KPNA1: variants seen among roughly 807,000 people sequenced by gnomAD.
KPNA1 encodes karyopherin subunit alpha 1.
Under a neutral mutation model 70.5 loss-of-function variants are expected in KPNA1, and 10 were observed. That is an observed-to-expected ratio of 0.14 (90% CI 0.09 to 0.24). The LOEUF is 0.24. Ranked by LOEUF, KPNA1 falls within the 10% of genes least tolerant of loss-of-function variation. The pLI is 1.00. For missense variants in KPNA1, 397 were observed against 637.9 expected (o/e 0.62, Z 4.07); for synonymous variants, 192 against 221.9 (o/e 0.87, Z 1.20).
At chr3:122,491,246 C>T (rs191570489) in intron 2 of KPNA1, among the ~76,000 whole-genome samples, 8 of 152,238 alleles carry the variant, frequency 5.3e-5, no homozygotes, top group Non-Finnish European at 8.8e-5. Flanking sequence ...GCAGTTTATA[C>T]GCACAGGCAG....
intron 9 of KPNA1, among the ~76,000 whole-genome samples, chr3:122,445,605 G>C (rs1332697297): frequency 1.3e-5 from 2 of 152,184 alleles, no homozygotes; most frequent in Non-Finnish European, 2.9e-5. Context: ...GGAAGAAACT[G>C]CATCAGTTAA....
chr3:122,438,737 C>G (rs2076023921), intron 10 of KPNA1, among the ~76,000 whole-genome samples: 1 of 151,812 alleles, frequency 6.6e-6, no homozygotes, highest in Admixed American at 6.6e-5. Flanking sequence ...CCCTAAGTCA[C>G]CAAAATAAAT....
At chr3:122,514,133 T>A (rs2076987646) in intron 1 of KPNA1, among the ~76,000 whole-genome samples, 1 of 152,104 alleles carries the variant, frequency 6.6e-6, no homozygotes, top group Admixed American at 6.5e-5. Context: ...GTTCTGTCAT[T>A]GCTATAATTA....
intron 9 of KPNA1, among the ~76,000 whole-genome samples, chr3:122,448,137 T>C (rs2076160686): frequency 1.3e-5 from 2 of 152,148 alleles, no homozygotes. Flanking sequence ...AGGAACACTC[T>C]TACATTGTTG....
chr3:122,439,799 A>C (rs2076039492), intron 10 of KPNA1, among the ~76,000 whole-genome samples: 1 of 152,218 alleles, frequency 6.6e-6, no homozygotes, highest in Non-Finnish European at 1.5e-5. Flanking sequence ...GGATCTAGTA[A>C]CAATAACAAT....
At chr3:122,477,567 G>A (rs910553588) in intron 2 of KPNA1, among the ~76,000 whole-genome samples, 3 of 152,054 alleles carry the variant, frequency 2.0e-5, no homozygotes, top group Non-Finnish European at 2.9e-5. Context: ...GGGCAGGGTG[G>A]CACTGGCCTG....
intron 6 of KPNA1, among the ~76,000 whole-genome samples, chr3:122,453,455 T>C (rs1297610968): frequency 2.0e-5 from 3 of 152,192 alleles, no homozygotes; most frequent in African/African-American, 7.2e-5. Context: ...TGACAATCCA[T>C]AGATTACCAA....
intron 10 of KPNA1, among the ~76,000 whole-genome samples, chr3:122,439,895 A>G (rs931862050): frequency 9.2e-5 from 14 of 152,184 alleles, no homozygotes; most frequent in African/African-American, 3.1e-4. Flanking sequence ...AGGTAAAGAG[A>G]ATAGTTATAT....
chr3:122,457,635 G>T, intron 5 of KPNA1: 1 of 1,129,778 alleles, frequency 8.9e-7, no homozygotes, highest in Non-Finnish European at 1.1e-6. Context: ...AAGGTTTGAT[G>T]TTTTCTCTCT....
In KPNA1 at chr3:122,427,034, T is replaced by C; in HGVS notation, c.1568A>G (p.Gln523Arg). The change falls in exon 14 of 14, where the codon CAG (glutamine) becomes CGG (arginine). Residue 523 changes from glutamine to arginine, a missense_variant. Physicochemically the swap from Gln to Arg is conservative, Grantham distance 43 (BLOSUM62 1). Transcript: ENST00000344337. ...AGCCTCACACTGTTGGAAGATGTAC[T>C]GCTGCTGGTTAAGGTCAACCTGGGG... ...IAPQVDLNQQ[Q>R]YIFQQCEAPM... 1 of 1,614,228 alleles carries C rather than the reference T, an allele frequency of 6.2e-7. No homozygotes were observed. The highest frequency in any genetic ancestry group is 8.5e-7 in the Non-Finnish European group (1 of 1,180,042).
At chr3:122,455,255 G>A (rs970707682) in intron 5 of KPNA1, among the ~76,000 whole-genome samples, 1 of 152,136 alleles carries the variant, frequency 6.6e-6, no homozygotes, top group Non-Finnish European at 1.5e-5. Context: ...ATTCATAGCA[G>A]AAGACACATA....
chr3:122,480,678 A>G (rs1209917650), intron 2 of KPNA1, among the ~76,000 whole-genome samples: 1 of 152,138 alleles, frequency 6.6e-6, no homozygotes, highest in Non-Finnish European at 1.5e-5. Flanking sequence ...ATTTAAAAAA[A>G]AAAAAGTATT....
At chr3:122,460,437 G>C (rs991643084) in intron 5 of KPNA1, 4 of 405,348 alleles carry the variant, frequency 9.9e-6, no homozygotes, top group Non-Finnish European at 1.3e-5. Context: ...AGGAGTTTGA[G>C]ACCAGCCTGG....
In KPNA1 at chr3:122,433,701, T is replaced by C. The variant is rs751058951; in HGVS notation, c.1210A>G (p.Ile404Val). 2 of 1,612,910 alleles carry C rather than the reference T, an allele frequency of 1.2e-6. No individual in the cohort carries two copies. The highest frequency in any genetic ancestry group is 1.7e-4 in the Middle Eastern group (1 of 6,054). ...GATCCTCCAGAAGTTGCATTTGTGA[T>C]GGCCCAAGCTGCTTCTTTTCTTGTC... ...FRTRKEAAWA[I>V]TNATSGGSAE... The change falls in exon 12 of 14, where the codon ATC becomes GTC. Residue 404 changes from isoleucine (I) to valine (V), a missense_variant. Ile to Val is a conservative substitution (Grantham distance 29, BLOSUM62 3). Coordinates refer to ENST00000344337, the MANE Select transcript of KPNA1 (RefSeq NM_002264.4).
At chr3:122,503,114 G>C (rs2076848779) in intron 1 of KPNA1, among the ~76,000 whole-genome samples, 1 of 151,794 alleles carries the variant, frequency 6.6e-6, no homozygotes, top group East Asian at 1.9e-4. Flanking sequence ...TTCAGTTTCA[G>C]GTCAAAAAAA....
At position 122,433,717 on chromosome 3, in the gene KPNA1, T is replaced by C. The variant is rs745717828; in HGVS notation, c.1194A>G (p.Lys398=). The C allele has an allele frequency of 5.3e-5, 86 of 1,613,700 alleles. No homozygotes were observed. The highest frequency in any genetic ancestry group is 6.9e-5 in the Non-Finnish European group (81 of 1,179,850). Residue 398 remains lysine, a synonymous_variant, in exon 12 of 14, where the codon AAA becomes AAG. Coordinates refer to ENST00000344337, the MANE Select transcript of KPNA1 (RefSeq NM_002264.4). ...ILQTAEFRTR[K]EAAWAITNAT... is the part of the protein sequence containing the mutation. Reference sequence around the variant, plus strand: ...CATTTGTGATGGCCCAAGCTGCTTCTTTTCTTGTCCGAAATTCAGCAGTTT... The same window carrying C: ...CATTTGTGATGGCCCAAGCTGCTTCCTTTCTTGTCCGAAATTCAGCAGTTT...
chr3:122,445,637 A>T (rs1338664240), intron 9 of KPNA1, among the ~76,000 whole-genome samples: 1 of 152,252 alleles, frequency 6.6e-6, no homozygotes, highest in South Asian at 2.1e-4. Context: ...ACCAGCTAAC[A>T]TCATAATGAT....
chr3:122,498,002 G>A (rs2076783474), intron 1 of KPNA1, among the ~76,000 whole-genome samples: 1 of 152,106 alleles, frequency 6.6e-6, no homozygotes. Context: ...CTTTCCAAGA[G>A]TTTTAACTGA....
intron 1 of KPNA1, among the ~76,000 whole-genome samples, chr3:122,501,375 C>A (rs1211804773): frequency 6.6e-6 from 1 of 152,108 alleles, no homozygotes; most frequent in East Asian, 1.9e-4. Flanking sequence ...CCTTTAAGCA[C>A]TGCTTTAGCT....
Sources: allele counts gnomAD v4.1 joint callset (sites outside exome capture counted in the v4.1 genomes callset), GRCh38; gene constraint gnomAD v4.1.1; transcripts MANE v1.5; gene names NCBI Gene and HGNC (gene_info 2026-07-23, HGNC 2026-07-21).